SMC1B: variants seen among roughly 807,000 people sequenced by gnomAD.
SMC1B encodes structural maintenance of chromosomes 1B.
In SMC1B, 60 loss-of-function variants were observed where a neutral mutation model predicts 157.9. That is an observed-to-expected ratio of 0.38 (90% confidence interval 0.31 to 0.47). The LOEUF (loss-of-function observed/expected upper bound fraction) is 0.47, where lower values mean the gene tolerates loss of function less well. SMC1B is among the 20% of genes least tolerant of loss of function. The pLI, the probability that SMC1B is intolerant of heterozygous loss-of-function variation, is 0.99. For synonymous variants in SMC1B, 445 were observed against 483.0 expected, an observed-to-expected ratio of 0.92 and a Z score of 1.03; for missense variants, 1,165 against 1,426.2, an observed-to-expected ratio of 0.82 and a Z score of 2.95.
chr22:45,372,411 T>C, intron 12 of SMC1B, 119 bp from the exon 13 acceptor site: 1 of 783,658 alleles, frequency 1.3e-6, no homozygotes, highest in Non-Finnish European at 1.9e-6. Flanking sequence ...GCACCTTACC[T>C]CCCTTTCCTC....
At chr22:45,349,693 A>G (rs767053695) in intron 23 of SMC1B, 35 bp downstream of exon 23, 10 of 1,547,890 alleles carry the variant, frequency 6.5e-6, no homozygotes, top group Non-Finnish European at 8.9e-6. Context: ...CTTGAATTGT[A>G]GACAGTCTAT....
chr22:45,399,354 CT>C lies in SMC1B; in HGVS notation c.855-2del. 6.3e-7 allele frequency: 1 copy of C among 1,585,660 alleles called. No homozygotes were observed. Among genetic ancestry groups the C allele is most frequent in the Non-Finnish European group, 8.5e-7 (1 of 1,171,646 alleles). ...CTGATTTAAAAGGGTTTCAACCGAT[CT>C]GAAAAGGGAAAAATGTTTGCTTTAA... On this transcript the variant is annotated splice_acceptor_variant, in intron 5 of 24. Transcript: ENST00000357450. LOFTEE classifies it high-confidence loss of function.
chr22:45,390,770 T>C (rs1165325395), intron 9 of SMC1B, among the ~76,000 whole-genome samples: 1 of 151,650 alleles, frequency 6.6e-6, no homozygotes, highest in African/African-American at 2.4e-5. Flanking sequence ...ACCTGAAGAA[T>C]GGTCAAGAAT....
chr22:45,376,060 G>A (rs1156582609), intron 12 of SMC1B, among the ~76,000 whole-genome samples: 1 of 151,970 alleles, frequency 6.6e-6, no homozygotes, highest in African/African-American at 2.4e-5. Context: ...ATTTACCATC[G>A]TTACCATTTT....
chr22:45,401,467 T>C (rs2087192435), intron 5 of SMC1B, among the ~76,000 whole-genome samples: 2 of 152,232 alleles, frequency 1.3e-5, no homozygotes, highest in Non-Finnish European at 2.9e-5. Flanking sequence ...CTTTTCTTTG[T>C]CACCACGTGT....
chr22:45,388,389 G>C (rs1354837470), intron 10 of SMC1B, among the ~76,000 whole-genome samples: 1 of 152,130 alleles, frequency 6.6e-6, no homozygotes, highest in East Asian at 1.9e-4. Flanking sequence ...ACACTTCTGT[G>C]TAAGATTTTT....
At chr22:45,373,797 T>C (rs1469692776) in intron 12 of SMC1B, among the ~76,000 whole-genome samples, 2 of 152,232 alleles carry the variant, frequency 1.3e-5, no homozygotes, top group Non-Finnish European at 2.9e-5. Context: ...GCAGTTTTCA[T>C]AAATAATCTA....
chr22:45,371,821 C>T (rs546246597), intron 13 of SMC1B, among the ~76,000 whole-genome samples: 1 of 152,052 alleles, frequency 6.6e-6, no homozygotes, highest in Non-Finnish European at 1.5e-5. Flanking sequence ...CTTTGTGAAG[C>T]CAAGGTGGGC....
At chr22:45,369,371 C>T (rs2086807544) in intron 15 of SMC1B, among the ~76,000 whole-genome samples, 1 of 152,020 alleles carries the variant, frequency 6.6e-6, no homozygotes, top group African/African-American at 2.4e-5. Context: ...GCTGGGATTA[C>T]AGGCATGAGC....
At chr22:45,401,105 C>T (rs554969559) in intron 5 of SMC1B, among the ~76,000 whole-genome samples, 2 of 152,182 alleles carry the variant, frequency 1.3e-5, no homozygotes, top group Non-Finnish European at 2.9e-5. Flanking sequence ...AAAGTATGGA[C>T]TTTAGTTAAT....
Position 45,344,479 on chromosome 22 carries a change from A to G in SMC1B, c.*77T>C. ...ACCAGGCTGGTCCTGCTTGCTCCAG[A>G]AGTCTCCTGTGGAGGAGCTGTGTGA... On this transcript the variant is annotated 3_prime_UTR_variant, in exon 25 of 25. Coordinates refer to ENST00000357450, the MANE Select transcript of SMC1B (RefSeq NM_148674.5). 9.5e-7 allele frequency: 1 copy of G among 1,051,932 alleles called. No individual in the cohort carries two copies. The highest frequency in any genetic ancestry group is 1.5e-6 in the Non-Finnish European group (1 of 679,268). 65.2% of individuals were successfully genotyped at this position (1,051,932 alleles called of 1,614,324 possible).
At chr22:45,393,212 T>C (rs958261360) in intron 9 of SMC1B, among the ~76,000 whole-genome samples, 1 of 152,202 alleles carries the variant, frequency 6.6e-6, no homozygotes, top group African/African-American at 2.4e-5. Flanking sequence ...CAATACCAGA[T>C]GCACAGTCAT....
Position 45,393,674 on chromosome 22 carries a change from T to C in SMC1B, c.1505A>G (p.Glu502Gly). 1 of 1,614,142 alleles carries C rather than the reference T, an allele frequency of 6.2e-7. No homozygotes were observed. Among genetic ancestry groups the C allele is most frequent in the African/African-American group, 1.3e-5 (1 of 75,054 alleles). The change falls in exon 9 of 25, where the codon GAG becomes GGG. Residue 502 changes from glutamate (E) to glycine (G), a missense_variant. Physicochemically the swap from Glu to Gly is moderately conservative, Grantham distance 98. Transcript: ENST00000357450. Reference protein sequence around the residue: ...HEGKRQQKRAEVLEHLKRLYP... With the variant: ...HEGKRQQKRAGVLEHLKRLYP... Reference sequence around the variant, plus strand: ...CAGTCTTTTAAGGTGTTCCAGAACCTCTGCTCTCTTTTGCTGACGTTTTCC... The same window carrying C: ...CAGTCTTTTAAGGTGTTCCAGAACCCCTGCTCTCTTTTGCTGACGTTTTCC...
intron 23 of SMC1B, among the ~76,000 whole-genome samples, chr22:45,347,554 G>C (rs1413664959): frequency 6.6e-6 from 1 of 152,000 alleles, no homozygotes; most frequent in Non-Finnish European, 1.5e-5. Context: ...TCAGCCACGG[G>C]CTCCTTAACA....
intron 10 of SMC1B, among the ~76,000 whole-genome samples, chr22:45,387,431 C>T (rs555291743): frequency 1.3e-5 from 2 of 151,260 alleles, no homozygotes; most frequent in East Asian, 3.9e-4. Flanking sequence ...GCCTAGGCAA[C>T]AGAGTGAGAC....
intron 23 of SMC1B, among the ~76,000 whole-genome samples, chr22:45,349,323 G>A (rs1025412778): frequency 6.6e-6 from 1 of 150,880 alleles, no homozygotes; most frequent in Non-Finnish European, 1.5e-5. Flanking sequence ...GCCAAGGACT[G>A]AATTTTTTGT....
At chr22:45,376,584 G>T (rs2086885822) in intron 12 of SMC1B, among the ~76,000 whole-genome samples, 1 of 152,084 alleles carries the variant, frequency 6.6e-6, no homozygotes, top group Non-Finnish European at 1.5e-5. Flanking sequence ...ACAAAAAAAA[G>T]AATTGCTGGA....
intron 23 of SMC1B, 88 bp from the exon 24 acceptor site, chr22:45,345,657 G>A: frequency 1.3e-6 from 1 of 764,218 alleles, no homozygotes; most frequent in Non-Finnish European, 2.3e-6. Flanking sequence ...CTCTGAGTCT[G>A]GTCAGTTTAG....
chr22:45,361,743 C>A, intron 17 of SMC1B, 96 bp downstream of exon 17: 1 of 1,187,970 alleles, frequency 8.4e-7, no homozygotes, highest in Non-Finnish European at 1.2e-6. Flanking sequence ...ACAAAGGGCA[C>A]ATATTCAAAT....
Sources: allele counts gnomAD v4.1 joint callset (sites outside exome capture counted in the v4.1 genomes callset), GRCh38; gene constraint gnomAD v4.1.1; transcripts MANE v1.5; gene names NCBI Gene and HGNC (gene_info 2026-07-23, HGNC 2026-07-21).